The following GRIK1 variants were observed in gnomAD, a reference collection of about 807,000 sequenced individuals.
GRIK1 encodes glutamate ionotropic receptor kainate type subunit 1.
GRIK1 carries 69 observed loss-of-function variants against 105.7 expected under a neutral mutation model. That is an observed-to-expected ratio of 0.65 (90% CI 0.54 to 0.80). The LOEUF is 0.80. GRIK1 is among the 30% of genes least tolerant of loss of function. The pLI, the probability that GRIK1 is intolerant of heterozygous loss-of-function variation, is 0.00. For missense variants in GRIK1, 1,109 were observed against 1,167.3 expected (o/e 0.95, Z 0.73); for synonymous variants, 438 against 431.3 (o/e 1.02, Z -0.19).
At chr21:29,888,228 T>TTC in intron 1 of GRIK1, among the ~76,000 whole-genome samples, 1 of 86,360 alleles carries the variant, frequency 1.2e-5, no homozygotes, top group Admixed American at 1.3e-4. Flanking sequence ...TCTCTCTCTC[T>TTC]CTCTCCTTCC....
At chr21:29,580,025 A>ATATG (rs2090985491) in intron 13 of GRIK1, among the ~76,000 whole-genome samples, 1 of 134,738 alleles carries the variant, frequency 7.4e-6, no homozygotes, top group African/African-American at 3.0e-5. Flanking sequence ...ATGTGTATAT[A>ATATG]TGTATATATG....
At chr21:29,800,035 G>A (rs1489007381) in intron 1 of GRIK1, among the ~76,000 whole-genome samples, 1 of 152,232 alleles carries the variant, frequency 6.6e-6, no homozygotes, top group African/African-American at 2.4e-5. Flanking sequence ...GTACTGAGGA[G>A]TCTCCTAGGG....
intron 1 of GRIK1, among the ~76,000 whole-genome samples, chr21:29,706,769 T>C (rs901428590): frequency 5.3e-5 from 8 of 152,238 alleles, no homozygotes; most frequent in Admixed American, 5.2e-4. Context: ...TACACACCAT[T>C]TATTTTTAAA....
At chr21:29,703,767 G>T (rs2063855788) in intron 1 of GRIK1, among the ~76,000 whole-genome samples, 1 of 152,184 alleles carries the variant, frequency 6.6e-6, no homozygotes, top group Non-Finnish European at 1.5e-5. Context: ...TAAGGACAAG[G>T]ACAGCTTCAA....
At chr21:29,537,692 A>C (rs2089902351) in intron 17 of GRIK1, 106 bp downstream of exon 17, 1 of 790,630 alleles carries the variant, frequency 1.3e-6, no homozygotes, top group East Asian at 2.4e-5. Flanking sequence ...CTGAGACACC[A>C]AAATAGAGTT....
At chr21:29,799,748 T>C (rs779172805) in intron 1 of GRIK1, among the ~76,000 whole-genome samples, 6 of 152,186 alleles carry the variant, frequency 3.9e-5, no homozygotes, top group Non-Finnish European at 8.8e-5. Flanking sequence ...TAGGCTGGTC[T>C]TGAACTCCTG....
At chr21:29,648,448 T>C (rs896627402) in intron 6 of GRIK1, among the ~76,000 whole-genome samples, 15 of 152,240 alleles carry the variant, frequency 9.9e-5, no homozygotes, top group African/African-American at 3.6e-4. Context: ...TATGGGACTA[T>C]TTCAAGGCTG....
At chr21:29,782,843 G>T (rs1020226216) in intron 1 of GRIK1, among the ~76,000 whole-genome samples, 4 of 152,096 alleles carry the variant, frequency 2.6e-5, no homozygotes, top group Admixed American at 6.6e-5. Context: ...ACACACGGAG[G>T]CTTGGTTTTG....
At position 29,918,029 on chromosome 21, in the gene GRIK1, A is replaced by G. The variant is rs1342131701; in HGVS notation, c.118+21354T>C. Among the ~76,000 whole-genome samples the G allele has an allele frequency of 2.0e-5, 3 of 152,156 alleles. No individual in the cohort carries two copies. The East Asian group carries it at 5.8e-4, about 29-fold the overall frequency. The stretch of plus-strand genomic sequence containing the variant: ...GAAAGATGAACTAATAGATGAGTGG[A>G]TAAATAGATAGATTAATGGATAAAT... On this transcript the variant is annotated intron_variant, in intron 1 of 17. Coordinates refer to ENST00000327783, the MANE Select transcript of GRIK1 (RefSeq NM_001330994.2).
Position 29,694,083 on chromosome 21 carries a change from G to GCATGAGAA in GRIK1, c.119-28_119-21dup. The GCATGAGAA allele has an allele frequency of 6.9e-7, 1 of 1,453,890 alleles. No homozygotes were observed. Among genetic ancestry groups the GCATGAGAA allele is most frequent in the Non-Finnish European group, 9.6e-7 (1 of 1,037,074 alleles). The allele number at this position is 1,453,890 out of a possible 1,614,324, so 90.1% of individuals were successfully genotyped here. ...TCCCTCCTGCAGAAGCAAAAGAGAT[G>GCATGAGAA]CATGAGAAGCGTTAGTCACATGGTT... is the stretch of plus-strand genomic sequence containing the variant. On this transcript the variant is annotated intron_variant, in intron 1 of 17. Coordinates refer to ENST00000327783, the MANE Select transcript of GRIK1 (RefSeq NM_001330994.2).
intron 7 of GRIK1, among the ~76,000 whole-genome samples, chr21:29,626,139 G>T (rs2062124523): frequency 6.6e-6 from 1 of 152,180 alleles, no homozygotes; most frequent in Non-Finnish European, 1.5e-5. Context: ...TGGAGGCTGG[G>T]AGGTCTAACA....
chr21:29,781,172 T>C (rs1047858953), intron 1 of GRIK1, among the ~76,000 whole-genome samples: 3 of 152,178 alleles, frequency 2.0e-5, no homozygotes, highest in African/African-American at 7.2e-5. Flanking sequence ...TTCACAGATA[T>C]ATACACAAAA....
Position 29,939,770 on chromosome 21 carries a change from C to A in GRIK1, c.-270G>T. On this transcript the variant is annotated 5_prime_UTR_variant, in exon 1 of 18. Coordinates refer to ENST00000327783, the MANE Select transcript of GRIK1 (RefSeq NM_001330994.2). ...CCATGGGCCGCAGACCGCGGAGGATCAGCGCTCTCTGGCTCCCGGAGCCCA... is the reference window on the plus strand; with the variant it reads ...CCATGGGCCGCAGACCGCGGAGGATAAGCGCTCTCTGGCTCCCGGAGCCCA... 1 of 341,790 alleles carries A rather than the reference C, an allele frequency of 2.9e-6. No homozygotes were observed. The highest frequency in any genetic ancestry group is 4.8e-5 in the East Asian group (1 of 20,928). The allele number at this position is 341,790 out of a possible 1,614,324, so 21.2% of individuals were successfully genotyped here.
intron 15 of GRIK1, among the ~76,000 whole-genome samples, chr21:29,560,400 CCTTTCTTTCTTTCTTTCTTT>C (rs1167564962): frequency 1.3e-4 from 9 of 67,122 alleles, no homozygotes; most frequent in African/African-American, 8.3e-4. Flanking sequence ...TTCCTTCCTT[CCTTTCTTTCTTTCTTTCTTT>C]CTTTCTTTCT....
intron 16 of GRIK1, among the ~76,000 whole-genome samples, chr21:29,552,191 T>C (rs2090146237): frequency 6.6e-6 from 1 of 152,112 alleles, no homozygotes; most frequent in African/African-American, 2.4e-5. Context: ...ATTGCACAGA[T>C]GGCATATCTC....
In GRIK1 at chr21:29,576,612, A is replaced by G. The variant is rs539372829; in HGVS notation, c.2130+352T>C. 6.6e-5 allele frequency among the ~76,000 whole-genome samples: 10 copies of G among 152,308 alleles called. No homozygotes were observed. The South Asian group carries it at 1.2e-3, about 19-fold the overall frequency. On this transcript the variant is annotated intron_variant, in intron 14 of 17. Transcript: ENST00000327783. ...TTCTTGATTAAGGAACCTTTATTTT[A>G]TGGGTTCTATAAATGAGTGATTAAT...
chr21:29,846,318 G>A (rs1466667106), intron 1 of GRIK1, among the ~76,000 whole-genome samples: 4 of 150,040 alleles, frequency 2.7e-5, no homozygotes, highest in African/African-American at 9.9e-5. Context: ...AAGCCGGGAG[G>A]CGGAGGTTGC....
At chr21:29,919,248 G>A (rs1378843574) in intron 1 of GRIK1, among the ~76,000 whole-genome samples, 3 of 152,152 alleles carry the variant, frequency 2.0e-5, no homozygotes, top group Non-Finnish European at 4.4e-5. Context: ...CTGAAGGCAA[G>A]AGACACTTGT....
chr21:29,573,724 C>T (rs1046324846), intron 14 of GRIK1, among the ~76,000 whole-genome samples: 4 of 152,096 alleles, frequency 2.6e-5, no homozygotes, highest in African/African-American at 9.7e-5. Context: ...TAGCATGCAC[C>T]TGTAATCCCA....
Sources: allele counts gnomAD v4.1 joint callset (sites outside exome capture counted in the v4.1 genomes callset), GRCh38; gene constraint gnomAD v4.1.1; transcripts MANE v1.5; gene names NCBI Gene and HGNC (gene_info 2026-07-23, HGNC 2026-07-21).